Variants in NMBR observed in about 807,000 individuals in gnomAD.
NMBR encodes the protein neuromedin B receptor.
NMBR carries 16 observed loss-of-function variants against 20.5 expected under a neutral mutation model. The observed-to-expected ratio is 0.78, with a 90% CI of 0.53 to 1.19. NMBR has a LOEUF of 1.19. Ranked by LOEUF, NMBR falls within the 50% of genes most tolerant of loss-of-function variation. NMBR has a pLI of 0.00. For synonymous variants in NMBR, 212 were observed against 196.6 expected, an observed-to-expected ratio of 1.08 and a Z score of -0.65; for missense variants, 582 against 499.1, an observed-to-expected ratio of 1.17 and a Z score of -1.58.
chr6:142,101,078 T>C (rs544276283), intron 1 of NMBR, among the ~76,000 whole-genome samples: 73 of 152,190 alleles, frequency 4.8e-4, no homozygotes, highest in African/African-American at 1.7e-3. Context: ...TAGAAGGAGA[T>C]TTACGGACAG....
At chr6:142,085,601 T>C (rs771593101) in intron 2 of NMBR, among the ~76,000 whole-genome samples, 1 of 152,244 alleles carries the variant, frequency 6.6e-6, no homozygotes, top group Non-Finnish European at 1.5e-5. Context: ...CAAGGTGTTT[T>C]AGGCCTCAAG....
chr6:142,134,055 AAACATT>A lies in NMBR; in HGVS notation c.-664+12983_-664+12988del, dbSNP rs761765141. ...CAAGTAAGTTTTTCTGTGTGCACAT[AAACATT>A]AACTCTACAACAAACTCATTTTCTC... On this transcript the variant is annotated intron_variant, in intron 1 of 3. Transcript: ENST00000258042. 26 of 661,676 alleles carry A rather than the reference AAACATT, an allele frequency of 3.9e-5. No homozygotes were observed. In the South Asian group the frequency reaches 4.1e-4, roughly 10 times the overall value. The allele number at this position is 661,676 out of a possible 1,614,324, so 41.0% of individuals were successfully genotyped here.
intron 1 of NMBR, among the ~76,000 whole-genome samples, chr6:142,146,385 G>T (rs1275945524): frequency 6.6e-6 from 1 of 152,172 alleles, no homozygotes; most frequent in African/African-American, 2.4e-5. Flanking sequence ...ATAAAATAAA[G>T]AAGGTTATTG....
intron 1 of NMBR, among the ~76,000 whole-genome samples, chr6:142,104,934 T>G (rs1202140780): frequency 6.6e-6 from 1 of 152,166 alleles, no homozygotes; most frequent in African/African-American, 2.4e-5. Context: ...CTTATAGGTT[T>G]GGGATAGGCA....
intron 1 of NMBR, among the ~76,000 whole-genome samples, chr6:142,142,078 T>C (rs1778371026): frequency 6.6e-6 from 1 of 152,212 alleles, no homozygotes; most frequent in Non-Finnish European, 1.5e-5. Flanking sequence ...TGAACAATGT[T>C]AGGTCAATAA....
chr6:142,106,945 T>G (rs529624710), intron 1 of NMBR, among the ~76,000 whole-genome samples: 16 of 152,336 alleles, frequency 1.1e-4, no homozygotes, highest in Admixed American at 9.8e-4. Flanking sequence ...AGACTTCCTT[T>G]ATAGAAGTAA....
At chr6:142,090,246 A>G (rs1412944882) in intron 1 of NMBR, among the ~76,000 whole-genome samples, 2 of 152,160 alleles carry the variant, frequency 1.3e-5, no homozygotes, top group East Asian at 3.9e-4. Flanking sequence ...CTTTGTTATT[A>G]AAGGATAAAA....
At position 142,118,631 on chromosome 6, in the gene NMBR, T is replaced by G. The variant is rs541456932; in HGVS notation, c.-664+28413A>C. On this transcript the variant is annotated intron_variant, in intron 1 of 3. Coordinates refer to ENST00000258042, the MANE Select transcript of NMBR (RefSeq NM_002511.4). ...GGCATGAAATGTATTTAGGAACACA[T>G]GTATTATAAAAGTCTTTCAGATTAA... Among the ~76,000 whole-genome samples the G allele has an allele frequency of 5.3e-5, 8 of 152,162 alleles. No individual in the cohort carries two copies. The East Asian group carries it at 1.2e-3, about 22-fold the overall frequency.
chr6:142,097,264 G>A (rs1235148905), intron 1 of NMBR, among the ~76,000 whole-genome samples: 1 of 152,116 alleles, frequency 6.6e-6, no homozygotes, highest in East Asian at 1.9e-4. Flanking sequence ...TTTCTTCCTA[G>A]CCTCGATGGT....
chr6:142,142,815 T>C, intron 1 of NMBR, among the ~76,000 whole-genome samples: 1 of 152,154 alleles, frequency 6.6e-6, no homozygotes, highest in Non-Finnish European at 1.5e-5. Context: ...CCAAGCACTG[T>C]GGTTCATGCC....
At position 142,075,739 on chromosome 6, in the gene NMBR, C is replaced by A; in HGVS notation, c.1082G>T (p.Arg361Leu). The A allele has an allele frequency of 3.1e-6, 5 of 1,613,942 alleles. No individual in the cohort carries two copies. Among genetic ancestry groups the A allele is most frequent in the Non-Finnish European group, 4.2e-6 (5 of 1,179,886 alleles). ...AGCATTGCTTTTCAGAGATGTCATA[C>A]GCACCGCTGAAGAGCTGAGTAGGTA... ...TSYLLSSSAV[R>L]MTSLKSNAKN... The change falls in exon 4 of 4, where the codon CGT becomes CTT. Residue 361 changes from arginine to leucine, a missense_variant. Transcript: ENST00000258042.
At chr6:142,084,768 C>G (rs1404541572) in intron 2 of NMBR, among the ~76,000 whole-genome samples, 1 of 152,030 alleles carries the variant, frequency 6.6e-6, no homozygotes, top group Non-Finnish European at 1.5e-5. Flanking sequence ...AATTTGGAAA[C>G]GCAGCTACTC....
At chr6:142,133,188 T>C (rs1395148512) in intron 1 of NMBR, 31 of 687,206 alleles carry the variant, frequency 4.5e-5, no homozygotes, top group Non-Finnish European at 6.9e-5. Flanking sequence ...AAAACTTCTA[T>C]GAAGGATGTG....
chr6:142,107,022 A>G (rs1035589870), intron 1 of NMBR, among the ~76,000 whole-genome samples: 1 of 152,216 alleles, frequency 6.6e-6, no homozygotes, highest in Non-Finnish European at 1.5e-5. Context: ...TAGGTTCATA[A>G]GTGTTCTTGT....
At chr6:142,102,148 G>A (rs1344510513) in intron 1 of NMBR, among the ~76,000 whole-genome samples, 1 of 152,052 alleles carries the variant, frequency 6.6e-6, no homozygotes, top group African/African-American at 2.4e-5. Flanking sequence ...CAGTACTTTG[G>A]GAGGCTGAGG....
At chr6:142,079,828 A>G (rs962186069) in intron 2 of NMBR, among the ~76,000 whole-genome samples, 1 of 152,194 alleles carries the variant, frequency 6.6e-6, no homozygotes, top group Non-Finnish European at 1.5e-5. Context: ...CCAACCTAAA[A>G]TATTAATGGC....
intron 1 of NMBR, among the ~76,000 whole-genome samples, chr6:142,095,430 GT>G (rs1777429754): frequency 6.6e-6 from 1 of 152,132 alleles, no homozygotes; most frequent in Admixed American, 6.6e-5. Context: ...TTTGTCATTG[GT>G]TCTGTTTATA....
At chr6:142,116,349 T>C (rs950287428) in intron 1 of NMBR, among the ~76,000 whole-genome samples, 1 of 151,876 alleles carries the variant, frequency 6.6e-6, no homozygotes, top group African/African-American at 2.4e-5. Flanking sequence ...ATGCAGTATA[T>C]AGAATGTTTG....
chr6:142,134,234 T>C (rs1429280364), intron 1 of NMBR, among the ~76,000 whole-genome samples: 1 of 152,176 alleles, frequency 6.6e-6, no homozygotes, highest in Non-Finnish European at 1.5e-5. Flanking sequence ...TTTTATTATC[T>C]ACTAATGTTA....
Sources: allele counts gnomAD v4.1 joint callset (sites outside exome capture counted in the v4.1 genomes callset), GRCh38; gene constraint gnomAD v4.1.1; transcripts MANE v1.5; gene names NCBI Gene and HGNC (gene_info 2026-07-23, HGNC 2026-07-21).